The following TTLL7 variants were observed in gnomAD, a reference collection of about 807,000 sequenced individuals.
The protein encoded by TTLL7 is tubulin polyglutamylase TTLL7.
Under a neutral mutation model 120.2 loss-of-function variants are expected in TTLL7, and 53 were observed. That is an observed-to-expected ratio of 0.44 (90% CI 0.35 to 0.55). TTLL7 has a LOEUF of 0.55. Ranked by LOEUF, TTLL7 falls within the 20% of genes least tolerant of loss-of-function variation. TTLL7 has a pLI of 0.00. For missense variants in TTLL7, 803 were observed against 1,054.7 expected (o/e 0.76, Z 3.31); for synonymous variants, 353 against 351.7 (o/e 1.00, Z -0.04).
intron 18 of TTLL7, among the ~76,000 whole-genome samples, chr1:83,901,343 A>G (rs683074): frequency 0.8 from 121,473 of 151,872 alleles, 49,005 homozygotes; most frequent in African/African-American, 0.89. Flanking sequence ...GTTTTTATAT[A>G]GTGAGAATTA....
At chr1:83,966,116 A>C (rs1014818405) in intron 1 of TTLL7, among the ~76,000 whole-genome samples, 3 of 152,120 alleles carry the variant, frequency 2.0e-5, no homozygotes, top group African/African-American at 4.8e-5. Flanking sequence ...TAAATCAGTA[A>C]ACTTTGACAA....
At chr1:83,888,977 A>G (rs923905279) in intron 19 of TTLL7, among the ~76,000 whole-genome samples, 1 of 152,016 alleles carries the variant, frequency 6.6e-6, no homozygotes, top group African/African-American at 2.4e-5. Flanking sequence ...TTTGTCTAAA[A>G]TCCTGTCATA....
intron 1 of TTLL7, chr1:83,979,755 A>G (rs928826518): frequency 5.9e-5 from 9 of 152,320 alleles, no homozygotes; most frequent in Admixed American, 1.3e-4. Flanking sequence ...TACTCTCATA[A>G]TTTTGCAAAG....
In TTLL7 at chr1:83,871,677, C is replaced by T. The variant is rs561734865; in HGVS notation, c.2544-1595G>A. Among the ~76,000 whole-genome samples, 34 of 151,928 alleles carry T rather than the reference C, an allele frequency of 2.2e-4. No individual in the cohort carries two copies. The South Asian group carries it at 3.5e-3, about 16-fold the overall frequency. On this transcript the variant is annotated intron_variant, in intron 20 of 20. Coordinates refer to ENST00000260505, the MANE Select transcript of TTLL7 (RefSeq NM_024686.6). ...TTGGGAGGCCGAGACGGGCGGATCA[C>T]GAGGTCAGGAGATCGAGACCATCCT...
chr1:83,970,557 G>A (rs1650879909), intron 1 of TTLL7, among the ~76,000 whole-genome samples: 1 of 152,030 alleles, frequency 6.6e-6, no homozygotes, highest in Non-Finnish European at 1.5e-5. Context: ...GACACGTCAG[G>A]TTTGAGATAT....
intron 9 of TTLL7, among the ~76,000 whole-genome samples, chr1:83,932,514 T>C (rs1191108430): frequency 1.3e-5 from 2 of 152,026 alleles, no homozygotes; most frequent in Non-Finnish European, 2.9e-5. Flanking sequence ...TGCATTTCCT[T>C]GGAGACACAA....
chr1:83,975,346 C>T (rs988650144), intron 1 of TTLL7, among the ~76,000 whole-genome samples: 1 of 152,054 alleles, frequency 6.6e-6, no homozygotes, highest in African/African-American at 2.4e-5. Flanking sequence ...CAGTCAAGTT[C>T]GAGACCCACT....
chr1:83,943,914 T>C (rs972588444), intron 6 of TTLL7, among the ~76,000 whole-genome samples: 2 of 152,090 alleles, frequency 1.3e-5, no homozygotes, highest in Non-Finnish European at 2.9e-5. Context: ...ATGAGAACAG[T>C]GTCTCACTAA....
chr1:83,883,385 G>T (rs964059571), intron 19 of TTLL7, among the ~76,000 whole-genome samples: 3 of 151,314 alleles, frequency 2.0e-5, no homozygotes, highest in Admixed American at 6.6e-5. Context: ...GTGTGTGTTT[G>T]TATGTGAGAG....
intron 1 of TTLL7, among the ~76,000 whole-genome samples, chr1:83,958,139 C>T (rs1240018652): frequency 6.6e-6 from 1 of 152,100 alleles, no homozygotes; most frequent in Non-Finnish European, 1.5e-5. Context: ...ATGTGCCAGG[C>T]ACTTTTTGAG....
At chr1:83,906,487 AT>A in intron 16 of TTLL7, 24 bp from the exon 17 acceptor site, 1 of 1,610,788 alleles carries the variant, frequency 6.2e-7, no homozygotes, top group East Asian at 2.2e-5. Flanking sequence ...GAATACAGAT[AT>A]TTGGAGGGGG....
intron 20 of TTLL7, among the ~76,000 whole-genome samples, chr1:83,875,121 A>AT (rs1182234755): frequency 1.3e-5 from 2 of 151,920 alleles, no homozygotes; most frequent in Admixed American, 6.6e-5. Flanking sequence ...GTAACTGAAC[A>AT]TTCCTAGCAT....
chr1:83,883,106 G>T lies in TTLL7; in HGVS notation c.2400C>A (p.Ser800Arg), dbSNP rs1654656565. The change falls in exon 20 of 21, where the codon AGC becomes AGA. Residue 800 changes from serine (S) to arginine (R), a missense_variant. This residue lies in a region of TTLL7 where 388 missense variants were observed against 450.4 expected (regional missense o/e 0.86). Coordinates refer to ENST00000260505, the MANE Select transcript of TTLL7 (RefSeq NM_024686.6). Reference sequence around the variant, plus strand: ...GCTGCAAAGGAGTCACCACCTCCGGGCTTTTATTGAATATACTCTCCCAAG... The same window carrying T: ...GCTGCAAAGGAGTCACCACCTCCGGTCTTTTATTGAATATACTCTCCCAAG... Reference protein sequence around the residue: ...GSSWESIFNKSPEVVTPLQLQ... With the variant: ...GSSWESIFNKRPEVVTPLQLQ... 1.2e-6 allele frequency: 2 copies of T among 1,609,358 alleles called. No homozygotes were observed. The highest frequency in any genetic ancestry group is 2.7e-5 in the African/African-American group (2 of 74,558).
At chr1:83,891,160 T>C (rs925547945) in intron 18 of TTLL7, among the ~76,000 whole-genome samples, 1 of 151,998 alleles carries the variant, frequency 6.6e-6, no homozygotes, top group African/African-American at 2.4e-5. Flanking sequence ...TCATTAAATA[T>C]ACCTTAAGGA....
intron 1 of TTLL7, among the ~76,000 whole-genome samples, chr1:83,956,476 GGA>G (rs1228651671): frequency 1.4e-5 from 2 of 147,026 alleles, no homozygotes; most frequent in Non-Finnish European, 3.0e-5. Context: ...TGCCCAGGCT[GGA>G]GTGCAATGGC....
chr1:83,957,601 CA>C (rs993071070), intron 1 of TTLL7, among the ~76,000 whole-genome samples: 4 of 152,110 alleles, frequency 2.6e-5, no homozygotes, highest in African/African-American at 9.7e-5. Context: ...GAAACTTGCA[CA>C]AAGTCACACA....
intron 1 of TTLL7, among the ~76,000 whole-genome samples, chr1:83,998,306 TA>T (rs1382957160): frequency 6.6e-6 from 1 of 152,226 alleles, no homozygotes; most frequent in African/African-American, 2.4e-5. Flanking sequence ...CTACCTCTCC[TA>T]AATCTTTTCT....
chr1:83,917,220 C>T (rs1196307780), intron 14 of TTLL7, among the ~76,000 whole-genome samples: 1 of 151,888 alleles, frequency 6.6e-6, no homozygotes, highest in African/African-American at 2.4e-5. Context: ...CAGCAAAAGA[C>T]AGGGCTTCTA....
At chr1:83,949,818 C>A (rs1376639216) in intron 4 of TTLL7, 47 bp downstream of exon 4, 2 of 1,604,922 alleles carry the variant, frequency 1.2e-6, no homozygotes, top group Non-Finnish European at 1.7e-6. Flanking sequence ...ATGTGGAATC[C>A]ATATAACTTT....
Sources: allele counts gnomAD v4.1 joint callset (sites outside exome capture counted in the v4.1 genomes callset), GRCh38; gene constraint gnomAD v4.1.1; regional missense constraint gnomAD v4.1.1; transcripts MANE v1.5; gene names NCBI Gene and HGNC (gene_info 2026-07-23, HGNC 2026-07-21).